JARID2: variants seen among roughly 807,000 people sequenced by gnomAD.
JARID2 encodes protein Jumonji.
Under a neutral mutation model 125.6 loss-of-function variants are expected in JARID2, and 21 were observed. The observed-to-expected ratio is 0.17, with a 90% CI of 0.12 to 0.24. The LOEUF (loss-of-function observed/expected upper bound fraction) is 0.24, where lower values mean the gene tolerates loss of function less well. Among genes scored for constraint, JARID2 ranks in the 10% least tolerant of loss-of-function variants. The pLI is 1.00. For missense variants in JARID2, 1,303 were observed against 1,639.6 expected (o/e 0.79, Z 3.55); for synonymous variants, 736 against 661.6 (o/e 1.11, Z -1.73).
At position 15,497,883 on chromosome 6, in the gene JARID2, C is replaced by G. The variant is rs565480542; in HGVS notation, c.1945+713C>G. On this transcript the variant is annotated intron_variant, in intron 7 of 17. Transcript: ENST00000341776. The stretch of plus-strand genomic sequence containing the variant: ...GTTTCTCCCGAAACCAACAAGACCT[C>G]CCTCCTTGGCTTGTGCATGGCTGTT... 2.6e-5 allele frequency among the ~76,000 whole-genome samples: 4 copies of G among 152,274 alleles called. No homozygotes were observed. The South Asian group carries it at 8.3e-4, about 32-fold the overall frequency.
At chr6:15,474,249 C>T (rs887014463) in intron 5 of JARID2, among the ~76,000 whole-genome samples, 3 of 152,158 alleles carry the variant, frequency 2.0e-5, no homozygotes, top group Admixed American at 6.6e-5. Context: ...TGATAAAAAC[C>T]TAAGTGTAGC....
At chr6:15,279,056 A>G (rs1760652018) in intron 1 of JARID2, among the ~76,000 whole-genome samples, 1 of 151,124 alleles carries the variant, frequency 6.6e-6, no homozygotes, top group South Asian at 2.1e-4. Flanking sequence ...GCACCACTGC[A>G]CTTCAGCCTG....
At chr6:15,421,811 A>T (rs1282755221) in intron 3 of JARID2, among the ~76,000 whole-genome samples, 1 of 152,162 alleles carries the variant, frequency 6.6e-6, no homozygotes, top group Non-Finnish European at 1.5e-5. Context: ...GCATCTGGAC[A>T]GCAGTTGGCT....
intron 6 of JARID2, among the ~76,000 whole-genome samples, chr6:15,488,613 G>A (rs539615928): frequency 6.6e-6 from 1 of 152,272 alleles, no homozygotes; most frequent in African/African-American, 2.4e-5. Flanking sequence ...TCGTCTTGCG[G>A]TAGAGGTGGC....
chr6:15,352,838 C>T (rs781292207), intron 1 of JARID2, among the ~76,000 whole-genome samples: 1 of 152,270 alleles, frequency 6.6e-6, no homozygotes, highest in Non-Finnish European at 1.5e-5. Flanking sequence ...CATAGCGCCA[C>T]GAGGTTACTT....
chr6:15,458,375 A>T (rs1194055662), intron 4 of JARID2, among the ~76,000 whole-genome samples: 4 of 152,228 alleles, frequency 2.6e-5, no homozygotes, highest in Non-Finnish European at 5.9e-5. Flanking sequence ...TGGGCATCAC[A>T]GTTCAGCGTC....
intron 1 of JARID2, among the ~76,000 whole-genome samples, chr6:15,256,004 T>C (rs547730860): frequency 6.6e-6 from 1 of 152,210 alleles, no homozygotes; most frequent in Non-Finnish European, 1.5e-5. Flanking sequence ...CTATACAACC[T>C]CGCTGAGCTA....
At chr6:15,415,489 A>C (rs1581528667) in intron 3 of JARID2, among the ~76,000 whole-genome samples, 1 of 130,614 alleles carries the variant, frequency 7.7e-6, no homozygotes, top group Admixed American at 7.5e-5. Context: ...GGCCGGGCAG[A>C]GGGGCTCCTC....
intron 1 of JARID2, among the ~76,000 whole-genome samples, chr6:15,349,457 T>C (rs755571818): frequency 6.6e-6 from 1 of 152,184 alleles, no homozygotes; most frequent in Non-Finnish European, 1.5e-5. Context: ...GGTTGGAAAA[T>C]TCTCACTTCT....
intron 1 of JARID2, 112 bp from the exon 2 acceptor site, chr6:15,374,005 C>T (rs1396732367): frequency 7.6e-6 from 9 of 1,190,760 alleles, no homozygotes; most frequent in African/African-American, 3.0e-5. Flanking sequence ...AGAACTGGGT[C>T]GTGGTCACAC....
At chr6:15,371,890 C>T (rs1048183010) in intron 1 of JARID2, among the ~76,000 whole-genome samples, 6 of 152,172 alleles carry the variant, frequency 3.9e-5, no homozygotes, top group South Asian at 2.1e-4. Context: ...CCTCCTTCTT[C>T]TAGAGGCACT....
intron 1 of JARID2, among the ~76,000 whole-genome samples, chr6:15,344,839 A>G (rs1176052418): frequency 2.0e-5 from 3 of 152,178 alleles, no homozygotes; most frequent in Non-Finnish European, 2.9e-5. Flanking sequence ...TAAAAATGCT[A>G]TTAATAATAA....
At chr6:15,369,221 A>G in intron 1 of JARID2, 1 of 343,292 alleles carries the variant, frequency 2.9e-6, no homozygotes, top group Non-Finnish European at 6.1e-6. Context: ...AGTCCGGGTT[A>G]GAGATAACTT....
chr6:15,352,459 A>G (rs1429743200), intron 1 of JARID2, among the ~76,000 whole-genome samples: 2 of 152,200 alleles, frequency 1.3e-5, no homozygotes, highest in African/African-American at 4.8e-5. Context: ...AGAGGACCAC[A>G]TGACCACATG....
intron 5 of JARID2, among the ~76,000 whole-genome samples, chr6:15,469,553 C>A (rs1324820815): frequency 2.6e-5 from 4 of 150,976 alleles, no homozygotes; most frequent in Non-Finnish European, 5.9e-5. Context: ...CTGCCTCATC[C>A]TCCTGAGTAG....
At position 15,321,783 on chromosome 6, in the gene JARID2, G is replaced by GTTTTTTTTT. The variant is rs71687714; in HGVS notation, c.46-52315_46-52307dup. On this transcript the variant is annotated intron_variant, in intron 1 of 17. Coordinates refer to ENST00000341776, the MANE Select transcript of JARID2 (RefSeq NM_004973.4). ...TAATTTTATAATTGGAAGAATTCTT[G>GTTTTTTTTT]TTTTTTTTTTTTTTTTTTTTTTTTT... Among the ~76,000 whole-genome samples the GTTTTTTTTT allele has an allele frequency of 7.3e-5, 5 of 68,474 alleles. 1 individual carries two copies. The highest frequency in any genetic ancestry group is 2.3e-4 in the African/African-American group (4 of 17,390). 44.9% of individuals were successfully genotyped at this position (68,474 alleles called of 152,430 possible).
At chr6:15,369,444 G>A (rs914911202) in intron 1 of JARID2, 6 of 302,836 alleles carry the variant, frequency 2.0e-5, no homozygotes, top group Admixed American at 3.6e-5. Context: ...TCTAAAGGGC[G>A]TATTCCTGTG....
At chr6:15,416,363 C>A (rs1472794121) in intron 3 of JARID2, among the ~76,000 whole-genome samples, 6 of 152,184 alleles carry the variant, frequency 3.9e-5, no homozygotes, top group Non-Finnish European at 7.3e-5. Context: ...TTGTAGCGAG[C>A]CGAGATCACG....
intron 3 of JARID2, among the ~76,000 whole-genome samples, chr6:15,446,650 C>A: frequency 6.6e-6 from 1 of 151,960 alleles, no homozygotes; most frequent in East Asian, 1.9e-4. Context: ...CCATACACTC[C>A]CATATACTCT....
Sources: allele counts gnomAD v4.1 joint callset (sites outside exome capture counted in the v4.1 genomes callset), GRCh38; gene constraint gnomAD v4.1.1; transcripts MANE v1.5; gene names NCBI Gene and HGNC (gene_info 2026-07-23, HGNC 2026-07-21).